ZNF679: variants seen among roughly 807,000 people sequenced by gnomAD.
The protein encoded by ZNF679 is hypothetical protein MGC42415.
A neutral mutation model predicts 13.4 loss-of-function variants in ZNF679; 10 were observed. That is an observed-to-expected ratio of 0.75 (90% CI 0.46 to 1.27). The LOEUF is 1.27. Among genes scored for constraint, ZNF679 ranks in the 50% most tolerant of loss-of-function variants. The pLI is 0.00. For synonymous variants in ZNF679, 179 were observed against 162.5 expected, an observed-to-expected ratio of 1.10 and a Z score of -0.77; for missense variants, 525 against 477.8, an observed-to-expected ratio of 1.10 and a Z score of -0.92.
intron 1 of ZNF679, among the ~76,000 whole-genome samples, chr7:64,242,710 A>G (rs1787814264): frequency 6.7e-6 from 1 of 149,812 alleles, no homozygotes; most frequent in Non-Finnish European, 1.5e-5. Context: ...CTACTATAAC[A>G]CTCTCTGTCC....
intron 2 of ZNF679, among the ~76,000 whole-genome samples, chr7:64,256,330 A>T (rs1352497954): frequency 6.6e-6 from 1 of 152,168 alleles, no homozygotes; most frequent in Admixed American, 6.5e-5. Context: ...GAAGACATAC[A>T]GGTTTATGTC....
chr7:64,229,062 A>C (rs530499651), intron 1 of ZNF679, among the ~76,000 whole-genome samples: 1 of 152,286 alleles, frequency 6.6e-6, no homozygotes, highest in Admixed American at 6.5e-5. Flanking sequence ...TATGGATCCA[A>C]GATCTTACCC....
intron 1 of ZNF679, among the ~76,000 whole-genome samples, chr7:64,239,056 G>C (rs939886963): frequency 4.6e-5 from 7 of 152,102 alleles, no homozygotes; most frequent in African/African-American, 1.7e-4. Flanking sequence ...TCATAACAGG[G>C]CCCAGAACAC....
intron 1 of ZNF679, among the ~76,000 whole-genome samples, chr7:64,242,512 T>C (rs2014921): frequency 0.65 from 99,362 of 152,036 alleles, 32,821 homozygotes; most frequent in African/African-American, 0.72. Flanking sequence ...TCCTATAATC[T>C]GGTTACAAAA....
chr7:64,253,816 A>C (rs1398995066), intron 2 of ZNF679, among the ~76,000 whole-genome samples: 1 of 152,360 alleles, frequency 6.6e-6, no homozygotes, highest in East Asian at 1.9e-4. Context: ...CATGTTTTTA[A>C]GGAAAGACAG....
At chr7:64,235,335 C>CAA (rs199571542) in intron 1 of ZNF679, among the ~76,000 whole-genome samples, 13 of 122,692 alleles carry the variant, frequency 1.1e-4, no homozygotes, top group Admixed American at 4.8e-4. Flanking sequence ...TTCTGAGATA[C>CAA]AAAAAAAAAA....
At chr7:64,238,168 C>T (rs142168453) in intron 1 of ZNF679, among the ~76,000 whole-genome samples, 2 of 152,224 alleles carry the variant, frequency 1.3e-5, no homozygotes, top group East Asian at 3.9e-4. Flanking sequence ...CTCTGCTCCA[C>T]CTCCAGTCTG....
intron 1 of ZNF679, among the ~76,000 whole-genome samples, chr7:64,239,944 C>A (rs1433216675): frequency 6.6e-6 from 1 of 152,028 alleles, no homozygotes; most frequent in Non-Finnish European, 1.5e-5. Flanking sequence ...CAGGGCCCAG[C>A]CCACAAGTGG....
rs117175609 is a variant in ZNF679, at chr7:64,262,750, G to C, written c.262+1821G>C. Among the ~76,000 whole-genome samples the C allele has an allele frequency of 2.8e-4, 43 of 152,110 alleles. No homozygotes were observed. The East Asian group carries it at 8.3e-3, about 29-fold the overall frequency. On this transcript the variant is annotated intron_variant, in intron 4 of 4. Transcript: ENST00000421025. Reference sequence around the variant, plus strand: ...ATGTTTTAAAATTAAGAAGTATATTGCCTCTGTTTTTCACGTGTGTTTCTC... The same window carrying C: ...ATGTTTTAAAATTAAGAAGTATATTCCCTCTGTTTTTCACGTGTGTTTCTC...
chr7:64,251,618 C>G (rs1787945537), intron 2 of ZNF679, among the ~76,000 whole-genome samples: 1 of 152,122 alleles, frequency 6.6e-6, no homozygotes, highest in Non-Finnish European at 1.5e-5. Flanking sequence ...GTTTCTTCAG[C>G]CACACTTTAG....
Position 64,257,651 on chromosome 7 carries a change from G to T in ZNF679, c.40-2570G>T, listed in dbSNP as rs114867610. 2.8e-3 allele frequency among the ~76,000 whole-genome samples: 422 copies of T among 152,232 alleles called. 1 individual carries two copies. The highest frequency in any genetic ancestry group is 9.2e-3 in the African/African-American group (384 of 41,548). ...TAGTACATGTGTACACATTTCCCAA[G>T]TGCAGACCTACTCAGACATTGCTGC... is the stretch of plus-strand genomic sequence containing the variant. On this transcript the variant is annotated intron_variant, in intron 2 of 4. Transcript: ENST00000421025.
At chr7:64,259,029 A>G (rs1180823216) in intron 2 of ZNF679, among the ~76,000 whole-genome samples, 4 of 152,028 alleles carry the variant, frequency 2.6e-5, no homozygotes, top group Admixed American at 1.3e-4. Flanking sequence ...CTCCTGCCTC[A>G]GCCTCTCTAG....
At chr7:64,254,675 T>C (rs1584234562) in intron 2 of ZNF679, among the ~76,000 whole-genome samples, 1 of 152,224 alleles carries the variant, frequency 6.6e-6, no homozygotes, top group South Asian at 2.1e-4. Context: ...CCCCGGGATT[T>C]GTGACAGGCA....
chr7:64,238,120 C>A (rs1027265825), intron 1 of ZNF679, among the ~76,000 whole-genome samples: 9 of 152,068 alleles, frequency 5.9e-5, no homozygotes, highest in Non-Finnish European at 1.2e-4. Flanking sequence ...GTTAAGCAAA[C>A]TTTGCTTAAG....
chr7:64,235,860 TA>T lies in ZNF679; in HGVS notation c.-91+7213del, dbSNP rs1303645172. Among the ~76,000 whole-genome samples the T allele has an allele frequency of 7.9e-5, 12 of 151,042 alleles. No individual in the cohort carries two copies. The South Asian group carries it at 1.9e-3, about 24-fold the overall frequency. Reference sequence around the variant, plus strand: ...GAAGGAAGGAAAGAAGAAAAAGGAATAAAAATTAGAGCAGAGATAGATTTCA... The same window carrying T: ...GAAGGAAGGAAAGAAGAAAAAGGAATAAAATTAGAGCAGAGATAGATTTCA... On this transcript the variant is annotated intron_variant, in intron 1 of 4. Transcript: ENST00000421025.
At chr7:64,229,454 T>C (rs1787606598) in intron 1 of ZNF679, among the ~76,000 whole-genome samples, 1 of 152,158 alleles carries the variant, frequency 6.6e-6, no homozygotes, top group Non-Finnish European at 1.5e-5. Flanking sequence ...CACATCCACA[T>C]ACGACAGTCA....
rs1204993415 is a variant in ZNF679 at position 64,231,329 on chromosome 7, G to A, written c.-91+2677G>A. Among the ~76,000 whole-genome samples the A allele has an allele frequency of 2.0e-5, 3 of 152,284 alleles. No homozygotes were observed. The East Asian group carries it at 5.8e-4, about 30-fold the overall frequency. The stretch of plus-strand genomic sequence containing the variant: ...CCAGGCAGAAGTTCACATCACCTTA[G>A]TGCTAGGCAAGGAATATGCCAATAT... On this transcript the variant is annotated intron_variant, in intron 1 of 4. Transcript: ENST00000421025.
intron 2 of ZNF679, among the ~76,000 whole-genome samples, chr7:64,257,336 T>A (rs909828908): frequency 3.9e-5 from 6 of 152,238 alleles, no homozygotes; most frequent in African/African-American, 1.4e-4. Flanking sequence ...AATTTCATTA[T>A]TTACAAAATA....
chr7:64,240,457 A>G (rs1367633260), intron 1 of ZNF679, among the ~76,000 whole-genome samples: 1 of 152,186 alleles, frequency 6.6e-6, no homozygotes, highest in Non-Finnish European at 1.5e-5. Flanking sequence ...TACTTAAATA[A>G]AGGACATAGT....
Sources: gnomAD v4.1 joint callset for allele counts (sites outside exome capture counted in the v4.1 genomes callset) on GRCh38, gnomAD v4.1.1 for gene constraint, MANE v1.5 for transcripts, NCBI Gene and HGNC (gene_info 2026-07-23, HGNC 2026-07-21) for gene names.